The following COL4A6 variants were observed in gnomAD, a reference collection of about 807,000 sequenced individuals.
COL4A6 encodes collagen type IV alpha 6 chain, also known as collagen alpha-6(IV) chain.
Under a neutral mutation model 126.7 loss-of-function variants are expected in COL4A6, and 59 were observed. The observed-to-expected ratio is 0.47, with a 90% CI of 0.38 to 0.58. COL4A6 has a LOEUF of 0.58. Ranked by LOEUF, COL4A6 falls within the 20% of genes least tolerant of loss-of-function variation. The probability of loss-of-function intolerance (pLI) is 0.00; values close to 1 mark genes in which losing one functional copy is unlikely to be tolerated. For synonymous variants in COL4A6, 547 were observed against 496.6 expected (o/e 1.10, Z -1.35); for missense variants, 1,285 against 1,337.3 (o/e 0.96, Z 0.61).
chrX:108,238,296 G>A (rs1209516165), intron 3 of COL4A6, among the ~76,000 whole-genome samples: 1 of 108,856 alleles, frequency 9.2e-6, no homozygotes, highest in African/African-American at 3.4e-5. Context: ...AGTAGAGATG[G>A]GGGGGTTTCA....
At chrX:108,371,312 A>G (rs937270016) in intron 2 of COL4A6, among the ~76,000 whole-genome samples, 1 of 110,386 alleles carries the variant, frequency 9.1e-6, no homozygotes, top group East Asian at 2.8e-4. Context: ...CATGGTAAGA[A>G]AATTCAAACT....
intron 2 of COL4A6, among the ~76,000 whole-genome samples, chrX:108,320,895 T>G (rs2092179439): frequency 8.9e-6 from 1 of 111,945 alleles, no homozygotes; most frequent in South Asian, 3.8e-4. Context: ...TGTAGAGACA[T>G]AGACACGTAT....
intron 8 of COL4A6, among the ~76,000 whole-genome samples, chrX:108,209,182 A>G (rs753799066): frequency 7.2e-5 from 8 of 111,806 alleles, no homozygotes; most frequent in Non-Finnish European, 1.3e-4. Context: ...GTAACTCTCT[A>G]TTTAGAAAGT....
At position 108,159,705 on chromosome X, in the gene COL4A6, G is replaced by A; in HGVS notation, c.4569C>T (p.Phe1523=). The A allele has an allele frequency of 8.3e-7, 1 of 1,212,043 alleles. No individual in the cohort carries two copies. The highest frequency in any genetic ancestry group is 1.1e-6 in the Non-Finnish European group (1 of 895,588). Residue 1523 remains phenylalanine, a synonymous_variant, in exon 44 of 45, where the codon TTC becomes TTT. Coordinates refer to ENST00000334504, the MANE Select transcript of COL4A6 (RefSeq NM_033641.4). ...ACACCTCGTTGATGTTGCAGTAGAT[G>A]AAGGGCATGGTGCTGAAGCGGGGCA... is the stretch of plus-strand genomic sequence containing the variant. ...SCLPRFSTMP[F]IYCNINEVCH... is the part of the protein sequence containing the mutation.
intron 2 of COL4A6, among the ~76,000 whole-genome samples, chrX:108,397,418 G>A (rs2040989985): frequency 9.0e-6 from 1 of 111,048 alleles, no homozygotes; most frequent in Non-Finnish European, 1.9e-5. Context: ...AGTCAGGCGT[G>A]CACTTTTGTT....
rs188248795 is a variant in COL4A6 at position 108,413,162 on chromosome X, A to G, written c.63+24780T>C. ...CTTTATTTGGTGCTAGAGAGTTAGC[A>G]TCACAGTCCCACACAAAATTAGGGT... On this transcript the variant is annotated intron_variant, in intron 2 of 44. Coordinates refer to ENST00000334504, the MANE Select transcript of COL4A6 (RefSeq NM_033641.4). Among the ~76,000 whole-genome samples the G allele has an allele frequency of 6.0e-3, 669 of 112,298 alleles. 2 individuals carry two copies. Among genetic ancestry groups the G allele is most frequent in the East Asian group, 0.034 (120 of 3,563 alleles).
chrX:108,219,500 A>G (rs894560905), intron 5 of COL4A6, among the ~76,000 whole-genome samples, 198 bp downstream of exon 5: 1 of 111,585 alleles, frequency 9.0e-6, no homozygotes, highest in Non-Finnish European at 1.9e-5. Context: ...CTCTCCAATC[A>G]TCCGACATAG....
chrX:108,323,901 C>T lies in COL4A6; in HGVS notation c.64-13073G>A, dbSNP rs147631595. On this transcript the variant is annotated intron_variant, in intron 2 of 44. Transcript: ENST00000334504. ...GGTGATTGAGCTGGGCCTCAATTTC[C>T]TCAGTTGCGCAATGCGTGGAGAAAC... is the stretch of plus-strand genomic sequence containing the variant. Among the ~76,000 whole-genome samples the T allele has an allele frequency of 1.7e-3, 193 of 111,843 alleles. 1 individual carries two copies. In the East Asian group the frequency reaches 0.04, roughly 23 times the overall value.
At chrX:108,233,094 G>A (rs1414866681) in intron 3 of COL4A6, among the ~76,000 whole-genome samples, 6 of 111,700 alleles carry the variant, frequency 5.4e-5, no homozygotes, top group East Asian at 5.6e-4. Flanking sequence ...ACAAATGTAC[G>A]GTTTATTTAA....
chrX:108,197,967 T>C, intron 13 of COL4A6, among the ~76,000 whole-genome samples: 1 of 111,563 alleles, frequency 9.0e-6, no homozygotes, highest in East Asian at 2.8e-4. Context: ...ATTTAAAATA[T>C]GAGTTTTTCT....
At chrX:108,284,719 T>A (rs180745961) in intron 3 of COL4A6, among the ~76,000 whole-genome samples, 1 of 112,268 alleles carries the variant, frequency 8.9e-6, no homozygotes, top group Non-Finnish European at 1.9e-5. Context: ...CAATTTACAG[T>A]ATTAATAGTC....
At chrX:108,329,451 G>A (rs1179094418) in intron 2 of COL4A6, among the ~76,000 whole-genome samples, 1 of 111,955 alleles carries the variant, frequency 8.9e-6, no homozygotes, top group Non-Finnish European at 1.9e-5. Flanking sequence ...TCAAATGTAA[G>A]GAAGCAAATC....
At position 108,179,227 on chromosome X, in the gene COL4A6, T is replaced by C; in HGVS notation, c.2343A>G (p.Pro781=). 1 of 1,210,836 alleles carries C rather than the reference T, an allele frequency of 8.3e-7. No homozygotes were observed. Among genetic ancestry groups the C allele is most frequent in the East Asian group, 3.0e-5 (1 of 33,834 alleles). The part of the protein sequence containing the change: ...HKGFLGDSGL[P]GLKGVHGKPG... ...GGCAAAAAGATTCACCCTTGAGTCC[T>C]GGAAGGCCAGAGTCTCCAAGAAATC... Residue 781 remains proline, a synonymous_variant, in exon 26 of 45, where the codon CCA becomes CCG. Coordinates refer to ENST00000334504, the MANE Select transcript of COL4A6 (RefSeq NM_033641.4).
Position 108,437,658 on chromosome X carries a change from A to G in COL4A6, c.63+284T>C, listed in dbSNP as rs983507504. Among the ~76,000 whole-genome samples, 3 of 111,721 alleles carry G rather than the reference A, an allele frequency of 2.7e-5. No individual in the cohort carries two copies. In the Admixed American group the frequency reaches 2.9e-4, roughly 11 times the overall value. ...CGTGGAGATTGATGCTAGTCATCTT[A>G]AGTCGTCTGGGGAAGAGGCTCAGAA... On this transcript the variant is annotated intron_variant, in intron 2 of 44. Transcript: ENST00000334504.
At chrX:108,274,441 A>C (rs2037541532) in intron 3 of COL4A6, among the ~76,000 whole-genome samples, 1 of 111,258 alleles carries the variant, frequency 9.0e-6, no homozygotes, top group African/African-American at 3.3e-5. Flanking sequence ...CTGGTATGTA[A>C]GAACCAGACG....
At chrX:108,299,690 T>C (rs2038432542) in intron 3 of COL4A6, among the ~76,000 whole-genome samples, 1 of 112,299 alleles carries the variant, frequency 8.9e-6, no homozygotes, top group Non-Finnish European at 1.9e-5. Context: ...CATTAATCTT[T>C]CTTGGGGCTA....
chrX:108,397,416 G>A (rs762269240), intron 2 of COL4A6, among the ~76,000 whole-genome samples: 6 of 110,856 alleles, frequency 5.4e-5, no homozygotes, highest in Non-Finnish European at 9.5e-5. Context: ...ATAGTCAGGC[G>A]TGCACTTTTG....
chrX:108,434,146 C>G (rs12687297), intron 2 of COL4A6, among the ~76,000 whole-genome samples: 8,206 of 111,417 alleles, frequency 0.074, 671 homozygotes, highest in African/African-American at 0.23. Context: ...ATTGTTGGCA[C>G]TTAGAGTCAA....
chrX:108,397,083 C>T (rs2040981504), intron 2 of COL4A6, among the ~76,000 whole-genome samples: 1 of 112,023 alleles, frequency 8.9e-6, no homozygotes, highest in African/African-American at 3.2e-5. Context: ...GTTATACACA[C>T]AGTAGATTGG....
Sources: allele counts gnomAD v4.1 joint callset (sites outside exome capture counted in the v4.1 genomes callset), GRCh38; gene constraint gnomAD v4.1.1; transcripts MANE v1.5; gene names NCBI Gene and HGNC (gene_info 2026-07-23, HGNC 2026-07-21).